FRMD5: variants seen among roughly 807,000 people sequenced by gnomAD.
The protein encoded by FRMD5 is FERM domain-containing protein 5.
Under a neutral mutation model 69.0 loss-of-function variants are expected in FRMD5, and 20 were observed. The ratio of observed to expected loss-of-function variants is 0.29; its 90% CI spans 0.20 to 0.42. The LOEUF (loss-of-function observed/expected upper bound fraction) is 0.42. FRMD5 is among the 10% of genes least tolerant of loss of function. FRMD5 has a pLI of 1.00. For synonymous variants in FRMD5, 271 were observed against 260.1 expected, an observed-to-expected ratio of 1.04 and a Z score of -0.40; for missense variants, 595 against 708.6, an observed-to-expected ratio of 0.84 and a Z score of 1.82.
chr15:44,095,658 C>T (rs1352631466), intron 1 of FRMD5, among the ~76,000 whole-genome samples: 1 of 152,084 alleles, frequency 6.6e-6, no homozygotes, highest in African/African-American at 2.4e-5. Flanking sequence ...AATGTTCTGG[C>T]TTCTCCTCAA....
At chr15:43,896,365 T>C (rs549867983) in intron 7 of FRMD5, among the ~76,000 whole-genome samples, 18 of 152,306 alleles carry the variant, frequency 1.2e-4, no homozygotes, top group African/African-American at 3.8e-4. Flanking sequence ...AGGACAATAA[T>C]ATATACCTGG....
At chr15:44,172,627 A>G (rs1286653746) in intron 1 of FRMD5, among the ~76,000 whole-genome samples, 1 of 152,188 alleles carries the variant, frequency 6.6e-6, no homozygotes, top group African/African-American at 2.4e-5. Flanking sequence ...ACTCCAAATG[A>G]TGAAAGTAGA....
intron 1 of FRMD5, among the ~76,000 whole-genome samples, chr15:44,172,650 A>G (rs893275994): frequency 2.3e-4 from 35 of 152,222 alleles, no homozygotes; most frequent in African/African-American, 8.4e-4. Context: ...TAGCAAGCAT[A>G]TGAAACTCCC....
intron 7 of FRMD5, among the ~76,000 whole-genome samples, chr15:43,897,991 C>T (rs1385467481): frequency 1.3e-5 from 2 of 152,320 alleles, no homozygotes; most frequent in South Asian, 2.1e-4. Context: ...TTTCCTGAGG[C>T]CTCCCTAGCC....
At chr15:44,078,307 T>C (rs2140437276) in intron 1 of FRMD5, among the ~76,000 whole-genome samples, 1 of 152,238 alleles carries the variant, frequency 6.6e-6, no homozygotes, top group South Asian at 2.1e-4. Context: ...TATCAGACCC[T>C]GCCATTTATC....
intron 7 of FRMD5, among the ~76,000 whole-genome samples, chr15:43,892,823 G>A (rs1567214325): frequency 1.3e-5 from 2 of 152,164 alleles, no homozygotes; most frequent in Non-Finnish European, 2.9e-5. Flanking sequence ...GGCACATATC[G>A]CCAGGAGCAG....
rs2088182311 is a variant in FRMD5 at position 43,872,359 on chromosome 15, T to A, written c.*1526A>T. 1 of 152,160 alleles carries A rather than the reference T, an allele frequency of 6.6e-6. No individual in the cohort carries two copies. The highest frequency in any genetic ancestry group is 1.5e-5 in the Non-Finnish European group (1 of 68,054). The allele number at this position is 152,160 out of a possible 1,614,324, so 9.4% of individuals were successfully genotyped here. ...TGCGTTTGGGGCTGTCCAATTAGGG[T>A]ATCAGCAGCTGCTCTACTTTTGTGT... On this transcript the variant is annotated 3_prime_UTR_variant, in exon 14 of 14. Coordinates refer to ENST00000417257, the MANE Select transcript of FRMD5 (RefSeq NM_032892.5).
rs71111834 is a variant in FRMD5 at position 44,038,520 on chromosome 15, C to CTTTTTTTTTTTTTTTTT, written c.103-114228_103-114212dup. 1.3e-4 allele frequency among the ~76,000 whole-genome samples: 8 copies of CTTTTTTTTTTTTTTTTT among 63,198 alleles called. 2 individuals carry two copies. Among genetic ancestry groups the CTTTTTTTTTTTTTTTTT allele is most frequent in the African/African-American group, 1.7e-4 (3 of 17,690 alleles). 41.5% of individuals were successfully genotyped at this position (63,198 alleles called of 152,430 possible). A position where few individuals can be genotyped will look rare whatever the true frequency, so the allele number is the denominator to read the frequency against. ...GCTTTCTGCATATGGCTAGCCAGAG[C>CTTTTTTTTTTTTTTTTT]TTTTTTTTTTTTTTTTTTTTATAAC... On this transcript the variant is annotated intron_variant, in intron 1 of 13. Coordinates refer to ENST00000417257, the MANE Select transcript of FRMD5 (RefSeq NM_032892.5).
chr15:43,881,359 G>A (rs560984194), intron 13 of FRMD5, among the ~76,000 whole-genome samples: 43 of 152,284 alleles, frequency 2.8e-4, no homozygotes, highest in Admixed American at 2.7e-3. Context: ...GAGAGCCAAG[G>A]GACAGTGAGA....
chr15:44,038,881 G>A (rs1476617846), intron 1 of FRMD5, among the ~76,000 whole-genome samples: 2 of 152,166 alleles, frequency 1.3e-5, no homozygotes, highest in African/African-American at 2.4e-5. Flanking sequence ...ATTCCCTCCA[G>A]TGCCTGGCTC....
At chr15:43,962,061 C>T (rs1483869797) in intron 1 of FRMD5, among the ~76,000 whole-genome samples, 2 of 152,240 alleles carry the variant, frequency 1.3e-5, no homozygotes, top group East Asian at 3.9e-4. Flanking sequence ...CCAGGGCAAT[C>T]AGGCAGGAGA....
At chr15:43,941,254 G>A (rs2089858366) in intron 1 of FRMD5, among the ~76,000 whole-genome samples, 1 of 152,162 alleles carries the variant, frequency 6.6e-6, no homozygotes, top group African/African-American at 2.4e-5. Context: ...TGTAGTCCCA[G>A]CTACCCAGGA....
Position 43,884,733 on chromosome 15 carries a change from ATTTCCGGTG to A in FRMD5, c.1013_1021del (p.Pro338_Ile341delinsLeu). On this transcript the variant is annotated inframe_deletion, in exon 12 of 14. Coordinates refer to ENST00000417257, the MANE Select transcript of FRMD5 (RefSeq NM_032892.5). ...GAAGCCCCTGGCAGCCTACCTGTGT[ATTTCCGGTG>A]GCTCCCGTTTGATCTTAGCACTTGA... 6.2e-7 allele frequency: 1 copy of A among 1,614,076 alleles called. No homozygotes were observed. Among genetic ancestry groups the A allele is most frequent in the South Asian group, 1.1e-5 (1 of 91,068 alleles).
chr15:44,054,078 A>T (rs985262985), intron 1 of FRMD5, among the ~76,000 whole-genome samples: 1 of 152,236 alleles, frequency 6.6e-6, no homozygotes, highest in Non-Finnish European at 1.5e-5. Context: ...TATGGAATAT[A>T]TCTATGGTTG....
At chr15:43,947,715 AC>A (rs1328427472) in intron 1 of FRMD5, among the ~76,000 whole-genome samples, 2 of 152,202 alleles carry the variant, frequency 1.3e-5, no homozygotes, top group African/African-American at 4.8e-5. Context: ...TTTATATCAG[AC>A]AGAGTGTGTA....
At chr15:44,044,247 C>T (rs1345491580) in intron 1 of FRMD5, among the ~76,000 whole-genome samples, 9 of 151,938 alleles carry the variant, frequency 5.9e-5, no homozygotes, top group Non-Finnish European at 1.2e-4. Context: ...GTTAGAATGG[C>T]GATCATTAAA....
intron 1 of FRMD5, among the ~76,000 whole-genome samples, chr15:44,133,474 G>A (rs2140425887): frequency 6.6e-6 from 1 of 150,796 alleles, no homozygotes; most frequent in South Asian, 2.1e-4. Flanking sequence ...TACTTGGGAG[G>A]CTGAGGCAGG....
chr15:44,018,638 G>T (rs533146340), intron 1 of FRMD5, among the ~76,000 whole-genome samples: 1 of 152,134 alleles, frequency 6.6e-6, no homozygotes, highest in Non-Finnish European at 1.5e-5. Flanking sequence ...CTGACTCAAG[G>T]AGTGAGACAA....
At chr15:44,074,800 A>G (rs1893688966) in intron 1 of FRMD5, among the ~76,000 whole-genome samples, 1 of 152,184 alleles carries the variant, frequency 6.6e-6, no homozygotes, top group South Asian at 2.1e-4. Flanking sequence ...GTTAGTTGCT[A>G]TAAGAAACTT....
Sources: allele counts gnomAD v4.1 joint callset (sites outside exome capture counted in the v4.1 genomes callset), GRCh38; gene constraint gnomAD v4.1.1; transcripts MANE v1.5; gene names NCBI Gene and HGNC (gene_info 2026-07-23, HGNC 2026-07-21).